ASB5: variants seen among roughly 807,000 people sequenced by gnomAD.
ASB5 encodes ankyrin repeat and SOCS box protein 5.
In ASB5, 45 loss-of-function variants were observed where a neutral mutation model predicts 42.1. The observed-to-expected ratio is 1.07, with a 90% CI of 0.84 to 1.37. The LOEUF is 1.37. Ranked by LOEUF, ASB5 falls within the 40% of genes most tolerant of loss-of-function variation. The probability of loss-of-function intolerance (pLI) is 0.00; values close to 1 mark genes in which losing one functional copy is unlikely to be tolerated. For synonymous variants in ASB5, 147 were observed against 150.6 expected (o/e 0.98, Z 0.18); for missense variants, 402 against 399.8 (o/e 1.01, Z -0.05).
intron 1 of ASB5, among the ~76,000 whole-genome samples, chr4:176,244,715 T>C (rs1753875373): frequency 1.3e-5 from 2 of 151,952 alleles, no homozygotes; most frequent in South Asian, 4.2e-4. Context: ...TAGTTTGAGA[T>C]CAGCCTGGGC....
intron 2 of ASB5, among the ~76,000 whole-genome samples, chr4:176,223,134 A>G (rs1753272049): frequency 6.6e-6 from 1 of 152,144 alleles, no homozygotes; most frequent in South Asian, 2.1e-4. Context: ...GGAGAAAAAT[A>G]CTCTAAACTA....
intron 1 of ASB5, among the ~76,000 whole-genome samples, chr4:176,252,744 A>G (rs1754068334): frequency 6.6e-6 from 1 of 152,268 alleles, no homozygotes; most frequent in African/African-American, 2.4e-5. Context: ...GTTTTGTAAT[A>G]TAAAGAAACA....
chr4:176,241,640 A>C, intron 1 of ASB5: 1 of 1,384,850 alleles, frequency 7.2e-7, no homozygotes, highest in Non-Finnish European at 9.3e-7. Flanking sequence ...TTACTTAAAC[A>C]TGAGTACCTA....
intron 5 of ASB5, among the ~76,000 whole-genome samples, chr4:176,219,575 GATATAT>G (rs71597433): frequency 0.04 from 237 of 6,000 alleles, 47 homozygotes; most frequent in African/African-American, 0.12. Flanking sequence ...ATATTTGTAT[GATATAT>G]ATATATATAT....
In ASB5 at chr4:176,269,145, C is replaced by A; in HGVS notation, c.-37G>T. 6.3e-7 allele frequency: 1 copy of A among 1,581,688 alleles called. No homozygotes were observed. The highest frequency in any genetic ancestry group is 8.6e-7 in the Non-Finnish European group (1 of 1,160,456). ...AATCTGCGGCGGTCTTTAGTTGGAT[C>A]CAAGTCTCAAATGTGCCTGGCTCTC... is the stretch of plus-strand genomic sequence containing the variant. On this transcript the variant is annotated 5_prime_UTR_variant, in exon 1 of 7. Transcript: ENST00000296525.
At chr4:176,273,035 G>A (rs1287660518), upstream of ASB5, among the ~76,000 whole-genome samples, 2 of 144,198 alleles carry the variant, frequency 1.4e-5, no homozygotes, top group African/African-American at 2.6e-5. Flanking sequence ...CTGCAGCCTC[G>A]ACCTCCCAGG....
In ASB5 at chr4:176,269,196, T is replaced by C; in HGVS notation, c.-88A>G. On this transcript the variant is annotated 5_prime_UTR_variant, in exon 1 of 7. Transcript: ENST00000296525. The stretch of plus-strand genomic sequence containing the variant: ...GTCCGGGATGCTCCTGAACAGCTGG[T>C]CCTGAGGAAAGAAAATATCAGCTGG... 3 of 1,211,070 alleles carry C rather than the reference T, an allele frequency of 2.5e-6. No individual in the cohort carries two copies. The highest frequency in any genetic ancestry group is 3.4e-6 in the Non-Finnish European group (3 of 876,156). The allele number at this position is 1,211,070 out of a possible 1,614,324, so 75.0% of individuals were successfully genotyped here. A position where few individuals can be genotyped will look rare whatever the true frequency, so the allele number is the denominator to read the frequency against.
chr4:176,251,331 G>A (rs1164674889), intron 1 of ASB5, among the ~76,000 whole-genome samples: 1 of 18,858 alleles, frequency 5.3e-5, no homozygotes, highest in Non-Finnish European at 1.7e-4. Flanking sequence ...GGGAGGCCGA[G>A]GCGGGCGGAT....
chr4:176,276,182 T>C (rs543602523), intron 1 of ASB5, among the ~76,000 whole-genome samples: 40 of 152,290 alleles, frequency 2.6e-4, no homozygotes, highest in African/African-American at 9.6e-4. Flanking sequence ...GAGGTTTAAA[T>C]GCAATAATTC....
At chr4:176,220,131 C>A (rs952211528) in intron 5 of ASB5, among the ~76,000 whole-genome samples, 2 of 152,114 alleles carry the variant, frequency 1.3e-5, no homozygotes, top group African/African-American at 4.8e-5. Flanking sequence ...GCCCACAGGC[C>A]GCAGGTTGGA....
chr4:176,232,596 T>C (rs1444556140), intron 1 of ASB5, among the ~76,000 whole-genome samples: 2 of 152,200 alleles, frequency 1.3e-5, no homozygotes, highest in Admixed American at 6.5e-5. Flanking sequence ...CTTGACAACA[T>C]GTAGCCCATC....
chr4:176,234,794 G>A (rs1045089309), intron 1 of ASB5, among the ~76,000 whole-genome samples: 19 of 152,132 alleles, frequency 1.2e-4, no homozygotes, highest in African/African-American at 4.3e-4. Context: ...GGCTCACTCT[G>A]TTTTTTACAC....
chr4:176,245,238 A>T (rs146183759), intron 1 of ASB5, among the ~76,000 whole-genome samples: 1,582 of 152,326 alleles, frequency 0.01, 33 homozygotes, highest in African/African-American at 0.037. Context: ...TGGGGAGAGG[A>T]TATGAACAGA....
At position 176,222,871 on chromosome 4, in the gene ASB5, G is replaced by A. The variant is rs1287643289; in HGVS notation, c.277-451C>T. ...CGGCTCACTGCAAGCTCCGCCTCCC[G>A]GGTTCATGCCATTCTCCTGCCTCAG... On this transcript the variant is annotated intron_variant, in intron 2 of 6. Transcript: ENST00000296525. Among the ~76,000 whole-genome samples, 2 of 152,122 alleles carry A rather than the reference G, an allele frequency of 1.3e-5. 1 individual carries two copies. Among genetic ancestry groups the A allele is most frequent in the African/African-American group, 4.8e-5 (2 of 41,484 alleles).
chr4:176,268,586 C>A lies in ASB5; in HGVS notation c.196+327G>T, dbSNP rs185253138. Among the ~76,000 whole-genome samples the A allele has an allele frequency of 3.3e-5, 5 of 152,160 alleles. No individual in the cohort carries two copies. In the East Asian group the frequency reaches 9.6e-4, roughly 29 times the overall value. On this transcript the variant is annotated intron_variant, in intron 1 of 6. Coordinates refer to ENST00000296525, the MANE Select transcript of ASB5 (RefSeq NM_080874.4). The stretch of plus-strand genomic sequence containing the variant: ...TTACTTCTAAAACTAATCTCTAATA[C>A]TATGACTTGGCAGATCAAATGTTTA...
chr4:176,255,708 G>C (rs1754141859), intron 1 of ASB5, among the ~76,000 whole-genome samples: 1 of 152,106 alleles, frequency 6.6e-6, no homozygotes, highest in Non-Finnish European at 1.5e-5. Flanking sequence ...GGGACTACTA[G>C]AGAGGGAGGC....
At chr4:176,261,722 A>C (rs1754270798) in intron 1 of ASB5, among the ~76,000 whole-genome samples, 1 of 152,222 alleles carries the variant, frequency 6.6e-6, no homozygotes, top group South Asian at 2.1e-4. Flanking sequence ...AGAGGAGAAC[A>C]TCAATTGCAA....
chr4:176,241,145 C>T (rs924777963), intron 1 of ASB5, among the ~76,000 whole-genome samples: 1 of 152,012 alleles, frequency 6.6e-6, no homozygotes, highest in Non-Finnish European at 1.5e-5. Context: ...ATTATAACCG[C>T]AATATCATAA....
At position 176,222,409 on chromosome 4, in the gene ASB5, T is replaced by A. The variant is rs749772007; in HGVS notation, c.288A>T (p.Val96=). The change falls in exon 3 of 7, where the codon GTA becomes GTT. Residue 96 remains valine (V), a synonymous_variant. Coordinates refer to ENST00000296525, the MANE Select transcript of ASB5 (RefSeq NM_080874.4). The part of the protein sequence containing the change: ...LRTLLSQGYN[V]NAVTLDHVTP... ...TGACATGGTCTAAGGTTACTGCATT[T>A]ACATTATAACCCTAAATGTGGCATA... The A allele has an allele frequency of 3.1e-6, 5 of 1,612,810 alleles. No individual in the cohort carries two copies. Among genetic ancestry groups the A allele is most frequent in the Non-Finnish European group, 4.2e-6 (5 of 1,179,220 alleles).
Sources: allele counts gnomAD v4.1 joint callset (sites outside exome capture counted in the v4.1 genomes callset), GRCh38; gene constraint gnomAD v4.1.1; transcripts MANE v1.5; gene names NCBI Gene and HGNC (gene_info 2026-07-23, HGNC 2026-07-21).